The following PCSK2 variants were observed in gnomAD, a reference collection of about 807,000 sequenced individuals.
PCSK2 encodes proprotein convertase subtilisin/kexin type 2, also known as neuroendocrine convertase 2.
A neutral mutation model predicts 69.7 loss-of-function variants in PCSK2; 14 were observed. The ratio of observed to expected loss-of-function variants is 0.20; its 90% CI spans 0.13 to 0.31. The LOEUF (loss-of-function observed/expected upper bound fraction) is 0.31, where lower values mean the gene tolerates loss of function less well. PCSK2 is among the 10% of genes least tolerant of loss of function. The pLI is 1.00. For missense variants in PCSK2, 544 were observed against 842.5 expected, an observed-to-expected ratio of 0.65 and a Z score of 4.39; for synonymous variants, 307 against 320.7, an observed-to-expected ratio of 0.96 and a Z score of 0.46.
chr20:17,245,952 T>C (rs1986756106), intron 1 of PCSK2, among the ~76,000 whole-genome samples: 1 of 152,166 alleles, frequency 6.6e-6, no homozygotes, highest in Non-Finnish European at 1.5e-5. Context: ...TTAAATGTCT[T>C]ACCAATGCCC....
At chr20:17,242,802 A>G (rs551491597) in intron 1 of PCSK2, among the ~76,000 whole-genome samples, 1 of 152,230 alleles carries the variant, frequency 6.6e-6, no homozygotes, top group Non-Finnish European at 1.5e-5. Flanking sequence ...CATGAAAAGC[A>G]TCTGTTTAAG....
At chr20:17,340,857 AC>A (rs1352508545) in intron 2 of PCSK2, among the ~76,000 whole-genome samples, 2 of 152,156 alleles carry the variant, frequency 1.3e-5, no homozygotes, top group Non-Finnish European at 2.9e-5. Flanking sequence ...AGAATTCACC[AC>A]CAGACTCACT....
intron 2 of PCSK2, among the ~76,000 whole-genome samples, chr20:17,300,653 A>T (rs1989049990): frequency 6.6e-6 from 1 of 152,216 alleles, no homozygotes; most frequent in Non-Finnish European, 1.5e-5. Context: ...TTTATGTCTC[A>T]GTTTTTATAG....
chr20:17,435,895 C>T (rs73898545), intron 7 of PCSK2, among the ~76,000 whole-genome samples: 12 of 152,136 alleles, frequency 7.9e-5, no homozygotes, highest in South Asian at 2.1e-4. Flanking sequence ...GATGGCCAAA[C>T]GGGGACCGGA....
In PCSK2 at chr20:17,297,089, G is replaced by A. The variant is rs139450882; in HGVS notation, c.282+36745G>A. Among the ~76,000 whole-genome samples the A allele has an allele frequency of 5.1e-3, 773 of 152,264 alleles. 4 individuals are homozygous for A. The highest frequency in any genetic ancestry group is 6.9e-3 in the Non-Finnish European group (468 of 68,010). On this transcript the variant is annotated intron_variant, in intron 2 of 11. Coordinates refer to ENST00000262545, the MANE Select transcript of PCSK2 (RefSeq NM_002594.5). ...ACCTTCATTAATTAAAAGAGCTGAC[G>A]TTTAAGCAGAGAAGTTAGTAAACAG...
intron 11 of PCSK2, chr20:17,478,964 T>G (rs1453139558): frequency 1.7e-5 from 11 of 631,466 alleles, no homozygotes; most frequent in Non-Finnish European, 2.5e-5. Flanking sequence ...ATTCAGTTTT[T>G]GTTGATAGCT....
intron 1 of PCSK2, among the ~76,000 whole-genome samples, chr20:17,249,242 C>T (rs1986879684): frequency 6.6e-6 from 1 of 152,182 alleles, no homozygotes; most frequent in Admixed American, 6.5e-5. Context: ...CGCGGTGGCT[C>T]ACGCCTGTAA....
At chr20:17,303,471 T>G (rs1161454206) in intron 2 of PCSK2, among the ~76,000 whole-genome samples, 2 of 49,002 alleles carry the variant, frequency 4.1e-5, no homozygotes, top group Non-Finnish European at 8.2e-5. Context: ...ATAATATATA[T>G]TATATATAAT....
At chr20:17,359,847 A>T (rs949000561) in intron 3 of PCSK2, among the ~76,000 whole-genome samples, 1 of 152,190 alleles carries the variant, frequency 6.6e-6, no homozygotes. Context: ...ACAAAGACAC[A>T]TGAAGATTGG....
chr20:17,415,962 G>A (rs189832555), intron 6 of PCSK2, among the ~76,000 whole-genome samples: 4 of 152,278 alleles, frequency 2.6e-5, no homozygotes. Context: ...TGGCAAAACT[G>A]GCTAGCCACA....
chr20:17,342,696 C>T (rs572916979), intron 2 of PCSK2, among the ~76,000 whole-genome samples: 12 of 151,860 alleles, frequency 7.9e-5, no homozygotes, highest in African/African-American at 1.2e-4. Flanking sequence ...TACAGTGGCA[C>T]GATCATGGCT....
At chr20:17,419,277 T>C (rs1025785300) in intron 6 of PCSK2, among the ~76,000 whole-genome samples, 1 of 152,242 alleles carries the variant, frequency 6.6e-6, no homozygotes, top group African/African-American at 2.4e-5. Context: ...TTTGTTGGAT[T>C]ATTCCTGTTT....
In PCSK2 at chr20:17,295,513, A is replaced by G. The variant is rs1487025785; in HGVS notation, c.282+35169A>G. On this transcript the variant is annotated intron_variant, in intron 2 of 11. Coordinates refer to ENST00000262545, the MANE Select transcript of PCSK2 (RefSeq NM_002594.5). Reference sequence around the variant, plus strand: ...TTTATTTATTATTTATTTATTGTATATTTATTTTTATATATATTTATTTAT... The same window carrying G: ...TTTATTTATTATTTATTTATTGTATGTTTATTTTTATATATATTTATTTAT... Among the ~76,000 whole-genome samples, 14 of 143,456 alleles carry G rather than the reference A, an allele frequency of 9.8e-5. No homozygotes were observed. The Admixed American group carries it at 1.0e-3, about 10-fold the overall frequency. The allele number at this position is 143,456 out of a possible 152,430, so 94.1% of individuals were successfully genotyped here. A position where few individuals can be genotyped will look rare whatever the true frequency, so the allele number is the denominator to read the frequency against.
chr20:17,478,917 T>C (rs764425497), intron 11 of PCSK2, among the ~76,000 whole-genome samples: 1 of 152,370 alleles, frequency 6.6e-6, no homozygotes, highest in East Asian at 1.9e-4. Flanking sequence ...GAATATGAGA[T>C]AATCTGCCAA....
At chr20:17,266,470 C>T (rs983026809) in intron 2 of PCSK2, among the ~76,000 whole-genome samples, 1 of 152,178 alleles carries the variant, frequency 6.6e-6, no homozygotes, top group Non-Finnish European at 1.5e-5. Flanking sequence ...AGTTTCTAAC[C>T]CTTAAGGAGT....
chr20:17,358,845 A>G (rs982450214), intron 3 of PCSK2, among the ~76,000 whole-genome samples: 7 of 152,354 alleles, frequency 4.6e-5, no homozygotes, highest in Middle Eastern at 3.4e-3. Context: ...AAAGGATCCA[A>G]TGACTTTGCA....
At chr20:17,345,132 T>G (rs1359824637) in intron 2 of PCSK2, among the ~76,000 whole-genome samples, 5 of 152,148 alleles carry the variant, frequency 3.3e-5, no homozygotes, top group African/African-American at 1.2e-4. Flanking sequence ...AGCTTAACCC[T>G]TCATGGCAGG....
At chr20:17,351,991 G>C (rs963538985) in intron 2 of PCSK2, among the ~76,000 whole-genome samples, 8 of 152,068 alleles carry the variant, frequency 5.3e-5, no homozygotes, top group Non-Finnish European at 7.4e-5. Context: ...AATAAAAAAA[G>C]CTTCAGTAAC....
At chr20:17,300,565 A>G (rs1184413510) in intron 2 of PCSK2, among the ~76,000 whole-genome samples, 1 of 152,250 alleles carries the variant, frequency 6.6e-6, no homozygotes, top group Non-Finnish European at 1.5e-5. Flanking sequence ...GGAGGATGAC[A>G]TTGACATCTG....
Sources: allele counts gnomAD v4.1 joint callset (sites outside exome capture counted in the v4.1 genomes callset), GRCh38; gene constraint gnomAD v4.1.1; transcripts MANE v1.5; gene names NCBI Gene and HGNC (gene_info 2026-07-23, HGNC 2026-07-21).